The following PRKDC variants were observed in gnomAD, a reference collection of about 807,000 sequenced individuals.
The protein encoded by PRKDC is protein kinase, DNA-activated, catalytic subunit.
In PRKDC, 82 loss-of-function variants were observed where a neutral mutation model predicts 486.9. That is an observed-to-expected ratio of 0.17 (90% CI 0.14 to 0.20). The LOEUF is 0.20. Ranked by LOEUF, PRKDC falls within the 10% of genes least tolerant of loss-of-function variation. The probability of loss-of-function intolerance (pLI) is 1.00; values close to 1 mark genes in which losing one functional copy is unlikely to be tolerated. For synonymous variants in PRKDC, 1,895 were observed against 1,837.0 expected (o/e 1.03, Z -0.81); for missense variants, 4,504 against 5,038.2 (o/e 0.89, Z 3.21).
At position 47,862,076 on chromosome 8, in the gene PRKDC, G is replaced by A; in HGVS notation, c.5971C>T (p.Pro1991Ser). The A allele has an allele frequency of 6.4e-7, 1 of 1,551,530 alleles. No individual in the cohort carries two copies. The highest frequency in any genetic ancestry group is 1.2e-5 in the South Asian group (1 of 83,206). ...LIDLKRRYNF[P>S]VEVEVPMERK... Reference sequence around the variant, plus strand: ...ATTTCACTCACCTCAACTTCTACAGGAAAATTATAGCGGCGCTTCAGGTCG... The same window carrying A: ...ATTTCACTCACCTCAACTTCTACAGAAAAATTATAGCGGCGCTTCAGGTCG... The change falls in exon 44 of 86, where the codon CCT becomes TCT. Residue 1991 changes from proline (P) to serine (S), a missense_variant. Physicochemically the swap from Pro to Ser is moderately conservative, Grantham distance 74. Transcript: ENST00000314191.
chr8:47,881,449 T>C lies in PRKDC; in HGVS notation c.5034A>G (p.Leu1678=). 6.4e-7 allele frequency: 1 copy of C among 1,570,428 alleles called. No homozygotes were observed. The highest frequency in any genetic ancestry group is 8.7e-7 in the Non-Finnish European group (1 of 1,143,000). Residue 1678 remains leucine, a synonymous_variant, in exon 38 of 86, where the codon CTA becomes CTG. Coordinates refer to ENST00000314191, the MANE Select transcript of PRKDC (RefSeq NM_006904.7). ...GTAGATCCAGCTTTGTGTCAGCAAG[T>C]AGACTAATATATGTTGTAAAGACTT... is the stretch of plus-strand genomic sequence containing the variant. ...FPEVFTTYIS[L]LADTKLDLHL... is the part of the protein sequence containing the mutation.
chr8:47,934,635 G>A (rs781724905), intron 14 of PRKDC, among the ~76,000 whole-genome samples: 9 of 152,212 alleles, frequency 5.9e-5, no homozygotes, highest in Non-Finnish European at 1.3e-4. Flanking sequence ...AATATCCACT[G>A]AATGTGCTAT....
Position 47,804,722 on chromosome 8 carries a change from G to A in PRKDC, c.9748-1242C>T, listed in dbSNP as rs190543145. On this transcript the variant is annotated intron_variant, in intron 69 of 85. Transcript: ENST00000314191. ...GCTTTTGTTTCTCATGGGTCTGGGA[G>A]TGGAATTGTCGGGTCATATGGTACC... Among the ~76,000 whole-genome samples, 4 of 152,278 alleles carry A rather than the reference G, an allele frequency of 2.6e-5. No individual in the cohort carries two copies. The East Asian group carries it at 7.7e-4, about 29-fold the overall frequency.
rs2086557440 is a variant in PRKDC at position 47,773,620 on chromosome 8, A to C, written c.*553T>G. The C allele has an allele frequency of 4.5e-6, 1 of 220,692 alleles. No homozygotes were observed. Among genetic ancestry groups the C allele is most frequent in the Admixed American group, 5.8e-5 (1 of 17,350 alleles). 13.7% of individuals were successfully genotyped at this position (220,692 alleles called of 1,614,324 possible). A position where few individuals can be genotyped will look rare whatever the true frequency, so the allele number is the denominator to read the frequency against. ...AATAAAATGAAAGGAAAAAACCTAG[A>C]AAAATATCCTAAAATATCAAATGCA... On this transcript the variant is annotated 3_prime_UTR_variant, in exon 86 of 86. Transcript: ENST00000314191.
Position 47,918,399 on chromosome 8 carries a change from G to C in PRKDC, c.2420-16C>G. 6.9e-7 allele frequency: 1 copy of C among 1,457,406 alleles called. No homozygotes were observed. Among genetic ancestry groups the C allele is most frequent in the Non-Finnish European group, 9.2e-7 (1 of 1,084,642 alleles). 90.3% of individuals were successfully genotyped at this position (1,457,406 alleles called of 1,614,324 possible). A position where few individuals can be genotyped will look rare whatever the true frequency, so the allele number is the denominator to read the frequency against. ...TTGGTCTCATCTATCAATAGTAAAC[G>C]AAAATAAATTTAAAATAGCACTCAT... On this transcript the variant is annotated splice_polypyrimidine_tract_variant and intron_variant, in intron 21 of 85. Transcript: ENST00000314191.
chr8:47,815,668 G>A (rs2087427497), intron 68 of PRKDC, among the ~76,000 whole-genome samples: 1 of 152,148 alleles, frequency 6.6e-6, no homozygotes, highest in African/African-American at 2.4e-5. Flanking sequence ...CAGAAGGAAG[G>A]GTGCCTGCTT....
At chr8:47,955,500 A>T (rs2090687595) in intron 4 of PRKDC, among the ~76,000 whole-genome samples, 1 of 151,178 alleles carries the variant, frequency 6.6e-6, no homozygotes, top group South Asian at 2.1e-4. Flanking sequence ...AAACATATGA[A>T]CTCTTTCCCA....
chr8:47,778,614 G>C lies in PRKDC; in HGVS notation c.11698C>G (p.Leu3900Val), dbSNP rs201214138. ...TGAGAGCTGGCGAAGTGGGAGCGGA[G>C]CGCCAGGAAAGCCTCAGGGCTTGTA... ...MSTSPEAFLALRSHFASSHAL... is the reference protein window; with the variant it reads ...MSTSPEAFLAVRSHFASSHAL... Residue 3900 changes from leucine to valine, a missense_variant, in exon 83 of 86, where the codon CTC (leucine) becomes GTC (valine). By Grantham distance (32) the Leu-to-Val change is conservative (BLOSUM62 1). Transcript: ENST00000314191. 1,233 of 1,613,794 alleles carry C rather than the reference G, an allele frequency of 7.6e-4. 2 individuals carry two copies. The highest frequency in any genetic ancestry group is 2.3e-3 in the Middle Eastern group (14 of 6,062).
chr8:47,795,641 T>A (rs2086970116), intron 73 of PRKDC, among the ~76,000 whole-genome samples: 1 of 151,470 alleles, frequency 6.6e-6, no homozygotes, highest in Admixed American at 6.6e-5. Context: ...TTACAAACAC[T>A]CGTCACCATA....
rs2089922405 is a variant in PRKDC, at chr8:47,912,537, C to T, written c.2807G>A (p.Ser936Asn). 1.2e-6 allele frequency: 2 copies of T among 1,612,550 alleles called. No individual in the cohort carries two copies. The highest frequency in any genetic ancestry group is 1.1e-5 in the South Asian group (1 of 90,846). ...TKVAACELLHSMVMFMLGKAT... is the reference protein window; with the variant it reads ...TKVAACELLHNMVMFMLGKAT... ...TTTGCCCAACATAAACATAACCATG[C>T]TATGTAAAAGTTCACAGGCTGCAAC... is the stretch of plus-strand genomic sequence containing the variant. Residue 936 changes from serine (S) to asparagine (N), a missense_variant, in exon 25 of 86, where the codon AGC (serine) becomes AAC (asparagine). This residue lies in a region of PRKDC where 1,969 missense variants were observed against 2,068.9 expected (regional missense o/e 0.95). Transcript: ENST00000314191.
chr8:47,861,993 G>T, intron 44 of PRKDC, 69 bp downstream of exon 44: 1 of 1,267,628 alleles, frequency 7.9e-7, no homozygotes, highest in Non-Finnish European at 1.1e-6. Flanking sequence ...AACTTAACGT[G>T]TTTGACATAA....
chr8:47,936,540 G>A, intron 11 of PRKDC, 23 bp from the exon 12 acceptor site: 1 of 1,612,468 alleles, frequency 6.2e-7, no homozygotes, highest in Non-Finnish European at 8.5e-7. Flanking sequence ...TAAAACAGAA[G>A]TCTTCATCAA....
intron 54 of PRKDC, among the ~76,000 whole-genome samples, chr8:47,848,477 CAGA>C (rs1166552821): frequency 6.6e-6 from 1 of 151,878 alleles, no homozygotes; most frequent in African/African-American, 2.4e-5. Context: ...CACTGGGGAA[CAGA>C]AGAAGGGGAA....
At chr8:47,820,032 A>G (rs1286702747) in intron 66 of PRKDC, among the ~76,000 whole-genome samples, 2 of 152,238 alleles carry the variant, frequency 1.3e-5, no homozygotes, top group Non-Finnish European at 2.9e-5. Flanking sequence ...AAAGGAAAGA[A>G]AGAGTGGCAG....
At chr8:47,807,443 G>C (rs1042080668) in intron 68 of PRKDC, 117 bp from the exon 69 acceptor site, 12 of 890,630 alleles carry the variant, frequency 1.3e-5, no homozygotes, top group Non-Finnish European at 1.6e-5. Flanking sequence ...TTTTGAGATG[G>C]AGTCTCACTC....
At chr8:47,775,820 TC>T (rs2086598748) in intron 85 of PRKDC, among the ~76,000 whole-genome samples, 4 of 151,274 alleles carry the variant, frequency 2.6e-5, no homozygotes, top group Non-Finnish European at 4.4e-5. Context: ...TTACTCCTAT[TC>T]CTTTTTTTTT....
In PRKDC at chr8:47,915,348, A is replaced by T. The variant is rs1256949184; in HGVS notation, c.2597T>A (p.Ile866Lys). 6.4e-7 allele frequency: 1 copy of T among 1,554,154 alleles called. No individual in the cohort carries two copies. The highest frequency in any genetic ancestry group is 1.2e-5 in the South Asian group (1 of 82,944). The change falls in exon 23 of 86, where the codon ATA (isoleucine) becomes AAA (lysine). Residue 866 changes from isoleucine (I) to lysine (K), a missense_variant. By Grantham distance (102) the Ile-to-Lys change is moderately radical. This residue lies in a region of PRKDC where 1,969 missense variants were observed against 2,068.9 expected (regional missense o/e 0.95). Coordinates refer to ENST00000314191, the MANE Select transcript of PRKDC (RefSeq NM_006904.7). ...TTTACCTGTCAGAAGATTTTTGTTT[A>T]TTTGTCCTCCTAGAGATCCAAGCAT... ...VQMLGSLGGQ[I>K]NKNLLTVTSS...
intron 49 of PRKDC, among the ~76,000 whole-genome samples, chr8:47,855,603 C>T (rs2154500438): frequency 6.6e-6 from 1 of 152,342 alleles, no homozygotes; most frequent in East Asian, 1.9e-4. Flanking sequence ...AGGCTGCTAG[C>T]CACCATGCCC....
At chr8:47,802,416 G>A (rs1189830598) in intron 70 of PRKDC, among the ~76,000 whole-genome samples, 3 of 151,256 alleles carry the variant, frequency 2.0e-5, no homozygotes, top group Non-Finnish European at 4.4e-5. Flanking sequence ...ACCCAAACCT[G>A]TACAAGAAAG....
Sources: allele counts gnomAD v4.1 joint callset (sites outside exome capture counted in the v4.1 genomes callset), GRCh38; gene constraint gnomAD v4.1.1; regional missense constraint gnomAD v4.1.1; transcripts MANE v1.5; gene names NCBI Gene and HGNC (gene_info 2026-07-23, HGNC 2026-07-21).